The following LRP1B variants were observed in gnomAD, a reference collection of about 807,000 sequenced individuals.
LRP1B encodes low-density lipoprotein receptor-related protein 1B.
In LRP1B, 217 loss-of-function variants were observed where a neutral mutation model predicts 556.6. The ratio of observed to expected loss-of-function variants is 0.39; its 90% CI spans 0.35 to 0.44. The LOEUF (loss-of-function observed/expected upper bound fraction) is 0.44, where lower values mean the gene tolerates loss of function less well. Ranked by LOEUF, LRP1B falls within the 20% of genes least tolerant of loss-of-function variation. The probability of loss-of-function intolerance (pLI) is 1.00; values close to 1 mark genes in which losing one functional copy is unlikely to be tolerated. For synonymous variants in LRP1B, 2,047 were observed against 1,865.8 expected, an observed-to-expected ratio of 1.10 and a Z score of -2.50; for missense variants, 5,053 against 5,620.8, an observed-to-expected ratio of 0.90 and a Z score of 3.23.
At chr2:140,995,068 A>C (rs1265318491) in intron 15 of LRP1B, among the ~76,000 whole-genome samples, 1 of 152,016 alleles carries the variant, frequency 6.6e-6, no homozygotes, top group African/African-American at 2.4e-5. Flanking sequence ...ATTCTCTGCA[A>C]GCCTGGATGC....
chr2:140,845,973 G>GAGGATTTTT (rs1478041394), intron 29 of LRP1B, among the ~76,000 whole-genome samples: 1 of 152,132 alleles, frequency 6.6e-6, no homozygotes, highest in Non-Finnish European at 1.5e-5. Flanking sequence ...AGAGGATTTT[G>GAGGATTTTT]AGGATTTCTT....
intron 2 of LRP1B, among the ~76,000 whole-genome samples, chr2:141,497,509 G>T: frequency 6.6e-6 from 1 of 152,014 alleles, no homozygotes; most frequent in Non-Finnish European, 1.5e-5. Flanking sequence ...AGGAAGTACC[G>T]GGTTTTTTCT....
At chr2:140,905,236 G>A (rs1006518577) in intron 22 of LRP1B, among the ~76,000 whole-genome samples, 1 of 151,456 alleles carries the variant, frequency 6.6e-6, no homozygotes, top group African/African-American at 2.4e-5. Context: ...CCCTCCCCAA[G>A]CCCCTGGGCC....
chr2:140,961,735 T>G (rs919253522), intron 18 of LRP1B, among the ~76,000 whole-genome samples: 19 of 152,254 alleles, frequency 1.2e-4, no homozygotes, highest in Non-Finnish European at 2.4e-4. Flanking sequence ...TATAAAGCTG[T>G]GTAGTACATT....
chr2:140,653,008 T>C (rs1172277899), intron 41 of LRP1B, among the ~76,000 whole-genome samples: 1 of 152,098 alleles, frequency 6.6e-6, no homozygotes, highest in Non-Finnish European at 1.5e-5. Context: ...AGTAGCACCA[T>C]ACGTTTGAGG....
At chr2:140,771,456 G>T (rs1168048270) in intron 33 of LRP1B, among the ~76,000 whole-genome samples, 1 of 152,094 alleles carries the variant, frequency 6.6e-6, no homozygotes, top group Non-Finnish European at 1.5e-5. Flanking sequence ...AAAGAAAGGA[G>T]GTATGTATGT....
chr2:141,967,075 C>G (rs753012282), intron 1 of LRP1B, among the ~76,000 whole-genome samples: 16 of 151,880 alleles, frequency 1.1e-4, no homozygotes, highest in Non-Finnish European at 2.1e-4. Flanking sequence ...TTCTTCTTAT[C>G]TCTTGAAGCT....
chr2:140,618,456 T>C (rs2105243596), intron 41 of LRP1B, among the ~76,000 whole-genome samples: 1 of 152,170 alleles, frequency 6.6e-6, no homozygotes, highest in Non-Finnish European at 1.5e-5. Context: ...AAGAATTGTG[T>C]GATAGAAAAT....
At chr2:140,946,584 G>A (rs973521601) in intron 20 of LRP1B, among the ~76,000 whole-genome samples, 1 of 152,096 alleles carries the variant, frequency 6.6e-6, no homozygotes, top group Non-Finnish European at 1.5e-5. Context: ...TTGGGCAACA[G>A]AGTGATACTC....
intron 3 of LRP1B, among the ~76,000 whole-genome samples, chr2:141,269,983 G>A (rs1402415848): frequency 1.3e-5 from 2 of 152,090 alleles, no homozygotes; most frequent in Non-Finnish European, 2.9e-5. Flanking sequence ...ACATGTGTAA[G>A]TGGGACATGA....
chr2:142,070,172 C>T (rs769441259), intron 1 of LRP1B, among the ~76,000 whole-genome samples: 4 of 151,588 alleles, frequency 2.6e-5, no homozygotes, highest in Admixed American at 1.3e-4. Context: ...TTAAGGCAAA[C>T]GGTCCAGAGC....
At chr2:141,158,731 G>T (rs1404996770) in intron 7 of LRP1B, among the ~76,000 whole-genome samples, 1 of 152,042 alleles carries the variant, frequency 6.6e-6, no homozygotes, top group Non-Finnish European at 1.5e-5. Flanking sequence ...CCTTCTGTCT[G>T]CAAACTGTAA....
At chr2:141,660,256 C>A (rs1013951078) in intron 2 of LRP1B, among the ~76,000 whole-genome samples, 16 of 152,108 alleles carry the variant, frequency 1.1e-4, no homozygotes, top group African/African-American at 3.9e-4. Context: ...CCAAGGGAGG[C>A]GGTGAGTGAC....
rs370072024 is a variant in LRP1B at position 140,896,414 on chromosome 2, T to C, written c.3766+6506A>G. Among the ~76,000 whole-genome samples the C allele has an allele frequency of 1.2e-4, 18 of 151,658 alleles. No homozygotes were observed. In the East Asian group the frequency reaches 2.7e-3, roughly 23 times the overall value. On this transcript the variant is annotated intron_variant, in intron 23 of 90. Transcript: ENST00000389484. ...TAAAGAATCAGAGAAGGGAAGAGTG[T>C]AGAGAAATAAAAAAAAGATGAGAGA...
At chr2:142,068,919 T>G (rs72849838) in intron 1 of LRP1B, among the ~76,000 whole-genome samples, 10,423 of 151,714 alleles carry the variant, frequency 0.069, 474 homozygotes, top group Non-Finnish European at 0.094. Context: ...TAATTCATCC[T>G]TGCAATGCAT....
At chr2:141,022,018 G>T (rs1698078136) in intron 11 of LRP1B, among the ~76,000 whole-genome samples, 1 of 151,386 alleles carries the variant, frequency 6.6e-6, no homozygotes, top group Non-Finnish European at 1.5e-5. Context: ...TGTATCTTTT[G>T]TTTTTCACCT....
intron 72 of LRP1B, among the ~76,000 whole-genome samples, chr2:140,362,441 T>C (rs1682554894): frequency 2.0e-5 from 3 of 151,702 alleles, no homozygotes; most frequent in Admixed American, 1.3e-4. Context: ...TCCTGATATA[T>C]CCTTTATATG....
At chr2:141,686,392 C>T (rs978761308) in intron 2 of LRP1B, among the ~76,000 whole-genome samples, 2 of 151,850 alleles carry the variant, frequency 1.3e-5, no homozygotes, top group East Asian at 1.9e-4. Flanking sequence ...TGAAGACTAC[C>T]CCTATGTCCC....
Position 140,749,389 on chromosome 2 carries a change from T to G in LRP1B, c.5758+19824A>C, listed in dbSNP as rs868260370. Among the ~76,000 whole-genome samples the G allele has an allele frequency of 1.2e-4, 18 of 151,490 alleles. 3 individuals are homozygous for G. The Middle Eastern group carries it at 0.031, about 259-fold the overall frequency. On this transcript the variant is annotated intron_variant, in intron 35 of 90. Transcript: ENST00000389484. ...AAACTTTTAAACATTTTTTTTTTACTCTTTTGTAAGAATATACCTTAAAAG... is the reference window on the plus strand; with the variant it reads ...AAACTTTTAAACATTTTTTTTTTACGCTTTTGTAAGAATATACCTTAAAAG...
Sources: allele counts gnomAD v4.1 joint callset (sites outside exome capture counted in the v4.1 genomes callset), GRCh38; gene constraint gnomAD v4.1.1; transcripts MANE v1.5; gene names NCBI Gene and HGNC (gene_info 2026-07-23, HGNC 2026-07-21).